Variants in NEK2 observed in about 807,000 individuals in gnomAD.
NEK2 encodes serine/threonine-protein kinase Nek2.
NEK2 carries 28 observed loss-of-function variants against 54.1 expected under a neutral mutation model. The observed-to-expected ratio is 0.52, with a 90% CI of 0.38 to 0.71. NEK2 has a LOEUF of 0.71. NEK2 is among the 30% of genes least tolerant of loss of function. The probability of loss-of-function intolerance (pLI) is 0.00; values close to 1 mark genes in which losing one functional copy is unlikely to be tolerated. For missense variants in NEK2, 407 were observed against 531.5 expected, an observed-to-expected ratio of 0.77 and a Z score of 2.30; for synonymous variants, 176 against 193.1, an observed-to-expected ratio of 0.91 and a Z score of 0.73.
Position 211,663,368 on chromosome 1 carries a change from A to G in NEK2, c.*58T>C. 1.3e-6 allele frequency: 2 copies of G among 1,551,082 alleles called. No individual in the cohort carries two copies. The highest frequency in any genetic ancestry group is 1.7e-6 in the Non-Finnish European group (2 of 1,144,326). On this transcript the variant is annotated 3_prime_UTR_variant, in exon 8 of 8. Transcript: ENST00000366999. ...TTCAACACTACAGCATTTGAATATC[A>G]GTCTTTAAAGGTTGGTAATATTACA...
chr1:211,671,087 A>G lies in NEK2; in HGVS notation c.638+115T>C, dbSNP rs1655371074. On this transcript the variant is annotated intron_variant, in intron 4 of 7. Transcript: ENST00000366999. ...CTACCTTAATTTTACCCAGGGTACA[A>G]TTCTTTCAGACTTGAATATACTTTC... 7 of 776,684 alleles carry G rather than the reference A, an allele frequency of 9.0e-6. No homozygotes were observed. The South Asian group carries it at 1.1e-4, about 12-fold the overall frequency. 48.1% of individuals were successfully genotyped at this position (776,684 alleles called of 1,614,324 possible).
At chr1:211,661,288 C>T (rs1042943786), downstream of NEK2, 12 of 574,158 alleles carry the variant, frequency 2.1e-5, no homozygotes, top group African/African-American at 7.5e-5. Flanking sequence ...TTCCTGGATG[C>T]GGGTTCCTGC....
intron 5 of NEK2, chr1:211,669,604 A>C (rs1482342117): frequency 9.3e-6 from 4 of 428,540 alleles, no homozygotes; most frequent in Non-Finnish European, 1.7e-5. Context: ...AGATTGGCAC[A>C]TCTTGTGCTG....
At position 211,663,014 on chromosome 1, in the gene NEK2, T is replaced by G. The variant is rs903836781; in HGVS notation, c.*412A>C. 2.6e-5 allele frequency: 26 copies of G among 991,460 alleles called. No homozygotes were observed. The highest frequency in any genetic ancestry group is 3.1e-5 in the Non-Finnish European group (26 of 833,492). 61.4% of individuals were successfully genotyped at this position (991,460 alleles called of 1,614,324 possible). A position where few individuals can be genotyped will look rare whatever the true frequency, so the allele number is the denominator to read the frequency against. ...TCAAAAACATTTAAAATCTCAGACT[T>G]AAAATTTAAATCTAGACATGACAAT... is the stretch of plus-strand genomic sequence containing the variant. On this transcript the variant is annotated 3_prime_UTR_variant, in exon 8 of 8. Transcript: ENST00000366999.
At chr1:211,661,570 G>A (rs17490409), downstream of NEK2, among the ~76,000 whole-genome samples, 22,901 of 152,126 alleles carry the variant, frequency 0.15, 1,832 homozygotes, top group East Asian at 0.22. Flanking sequence ...GAACCAACAG[G>A]GGCATGAATC....
intron 3 of NEK2, among the ~76,000 whole-genome samples, chr1:211,671,772 C>T (rs1655400246): frequency 1.3e-5 from 2 of 152,212 alleles, no homozygotes; most frequent in Admixed American, 6.5e-5. Flanking sequence ...TCCACATCTA[C>T]AGTAACAACA....
chr1:211,667,799 A>G (rs888843560), intron 6 of NEK2, among the ~76,000 whole-genome samples: 1 of 152,152 alleles, frequency 6.6e-6, no homozygotes, highest in Admixed American at 6.5e-5. Context: ...TAATCCCAAC[A>G]CTTTGGGAGG....
chr1:211,667,973 G>A (rs950125999), intron 6 of NEK2, among the ~76,000 whole-genome samples: 3 of 152,142 alleles, frequency 2.0e-5, no homozygotes, highest in Non-Finnish European at 4.4e-5. Context: ...TTGAACCCGG[G>A]AGGTAGAGGT....
chr1:211,658,719 C>CAAAAAAAAAAA (rs967490624), downstream of NEK2: 5 of 37,572 alleles, frequency 1.3e-4, no homozygotes, highest in Non-Finnish European at 2.2e-4. Flanking sequence ...GACTCTATCT[C>CAAAAAAAAAAA]AAAAAAAAAA....
chr1:211,667,020 G>T (rs970992658), intron 7 of NEK2, 86 bp downstream of exon 7: 6 of 1,569,214 alleles, frequency 3.8e-6, no homozygotes, highest in Middle Eastern at 2.1e-4. Flanking sequence ...AATGAAAAGG[G>T]CTACCTAAGC....
At chr1:211,671,392 G>A (rs1655387113) in intron 3 of NEK2, 108 bp from the exon 4 acceptor site, 3 of 722,494 alleles carry the variant, frequency 4.2e-6, no homozygotes, top group Non-Finnish European at 7.1e-6. Flanking sequence ...GAACCTCAAA[G>A]TTTTTAGCTT....
chr1:211,669,004 T>G, intron 6 of NEK2, 109 bp downstream of exon 6: 1 of 1,057,268 alleles, frequency 9.5e-7, no homozygotes, highest in Non-Finnish European at 1.4e-6. Flanking sequence ...TTTCAAAAGC[T>G]TCTAATAAGA....
chr1:211,673,226 T>A (rs536157805), intron 3 of NEK2, among the ~76,000 whole-genome samples: 1 of 152,086 alleles, frequency 6.6e-6, no homozygotes, highest in Admixed American at 6.6e-5. Flanking sequence ...CTGGTCAACA[T>A]GATGAAACCC....
At chr1:211,673,793 T>C in intron 2 of NEK2, 70 bp from the exon 3 acceptor site, 3 of 1,428,480 alleles carry the variant, frequency 2.1e-6, no homozygotes, top group South Asian at 1.2e-5. Context: ...TGATATAAAT[T>C]ATCCAGTGTA....
chr1:211,672,150 G>A (rs1655411119), intron 3 of NEK2, among the ~76,000 whole-genome samples: 1 of 152,092 alleles, frequency 6.6e-6, no homozygotes, highest in Admixed American at 6.6e-5. Context: ...TCCTAGAAAG[G>A]TGAACTACTA....
At chr1:211,672,857 A>T (rs1232933669) in intron 3 of NEK2, among the ~76,000 whole-genome samples, 1 of 152,150 alleles carries the variant, frequency 6.6e-6, no homozygotes, top group East Asian at 1.9e-4. Context: ...CTTGAACTGA[A>T]TATGCTTTAA....
At chr1:211,660,958 A>C (rs1392880325), downstream of NEK2, 7 of 746,912 alleles carry the variant, frequency 9.4e-6, no homozygotes, top group Admixed American at 1.1e-4. Context: ...TACCACGAGG[A>C]AGAAAGCTTG....
At chr1:211,658,830 T>C (rs985356071), downstream of NEK2, 1 of 261,242 alleles carries the variant, frequency 3.8e-6, no homozygotes, top group Non-Finnish European at 7.7e-6. Flanking sequence ...CACCCAGTTT[T>C]ATGCCTTTGG....
intron 2 of NEK2, 64 bp from the exon 3 acceptor site, chr1:211,673,787 A>T: frequency 1.3e-6 from 2 of 1,490,134 alleles, no homozygotes; most frequent in Non-Finnish European, 1.9e-6. Flanking sequence ...ATGGGATGAT[A>T]TAAATTATCC....
Sources: allele counts gnomAD v4.1 joint callset (sites outside exome capture counted in the v4.1 genomes callset), GRCh38; gene constraint gnomAD v4.1.1; transcripts MANE v1.5; gene names NCBI Gene and HGNC (gene_info 2026-07-23, HGNC 2026-07-21).